ERC1: variants seen among roughly 807,000 people sequenced by gnomAD.
ERC1 encodes the protein ELKS/RAB6-interacting/CAST family member 1.
ERC1 carries 56 observed loss-of-function variants against 132.0 expected under a neutral mutation model. The ratio of observed to expected loss-of-function variants is 0.42; its 90% confidence interval spans 0.34 to 0.53. The LOEUF (loss-of-function observed/expected upper bound fraction) is 0.53, where lower values mean the gene tolerates loss of function less well. Among genes scored for constraint, ERC1 ranks in the 20% least tolerant of loss-of-function variants. ERC1 has a pLI of 0.03. For synonymous variants in ERC1, 478 were observed against 476.1 expected, an observed-to-expected ratio of 1.00 and a Z score of -0.05; for missense variants, 1,202 against 1,349.9, an observed-to-expected ratio of 0.89 and a Z score of 1.72.
Position 1,493,251 on chromosome 12 carries a change from A to C in ERC1, c.*3021A>C. 1 of 188,624 alleles carries C rather than the reference A, an allele frequency of 5.3e-6. No homozygotes were observed. The highest frequency in any genetic ancestry group is 1.1e-5 in the Non-Finnish European group (1 of 89,544). 11.7% of individuals were successfully genotyped at this position (188,624 alleles called of 1,614,324 possible). A position where few individuals can be genotyped will look rare whatever the true frequency, so the allele number is the denominator to read the frequency against. ...GAACGGGCTTTAACATGTTTAAGAA[A>C]TATGGATGGGGCCGGCCACAGTGGC... On this transcript the variant is annotated 3_prime_UTR_variant, in exon 19 of 19. Coordinates refer to ENST00000360905, the MANE Select transcript of ERC1 (RefSeq NM_178040.4).
At chr12:1,017,831 G>C (rs1186613188) in intron 1 of ERC1, among the ~76,000 whole-genome samples, 5 of 143,424 alleles carry the variant, frequency 3.5e-5, no homozygotes, top group African/African-American at 9.8e-5. Flanking sequence ...CAAAATATAG[G>C]GTACAAAATT....
Position 1,341,069 on chromosome 12 carries a change from C to CTTTTTTTTTTTTTTTTTTTTT in ERC1, c.2781-30742_2781-30722dup, listed in dbSNP as rs35902573. Among the ~76,000 whole-genome samples, 188 of 63,140 alleles carry CTTTTTTTTTTTTTTTTTTTTT rather than the reference C, an allele frequency of 3.0e-3. 46 individuals are homozygous for CTTTTTTTTTTTTTTTTTTTTT. The highest frequency in any genetic ancestry group is 0.013 in the East Asian group (18 of 1,370). The allele number at this position is 63,140 out of a possible 152,430, so 41.4% of individuals were successfully genotyped here. ...AATGTCCACTTATTCTTTTCTTTTT[C>CTTTTTTTTTTTTTTTTTTTTT]TTTTTTTTTTTTTTTTTTTTTTTTT... On this transcript the variant is annotated intron_variant, in intron 15 of 18. Coordinates refer to ENST00000360905, the MANE Select transcript of ERC1 (RefSeq NM_178040.4).
At chr12:1,110,627 C>T (rs938028855) in intron 5 of ERC1, among the ~76,000 whole-genome samples, 4 of 152,140 alleles carry the variant, frequency 2.6e-5, no homozygotes, top group African/African-American at 4.8e-5. Flanking sequence ...TTAGTACTTC[C>T]GAAAAACTTC....
chr12:1,315,473 C>A (rs1321549238), intron 15 of ERC1, among the ~76,000 whole-genome samples: 1 of 152,038 alleles, frequency 6.6e-6, no homozygotes, highest in Non-Finnish European at 1.5e-5. Flanking sequence ...GCCTCAGCCT[C>A]CCAAGTATCT....
At chr12:1,221,396 A>C (rs2154295441) in intron 12 of ERC1, among the ~76,000 whole-genome samples, 1 of 152,322 alleles carries the variant, frequency 6.6e-6, no homozygotes, top group Non-Finnish European at 1.5e-5. Flanking sequence ...ATAAGCATAG[A>C]AATAAAAGAC....
intron 2 of ERC1, among the ~76,000 whole-genome samples, chr12:1,069,247 T>C (rs1010279035): frequency 5.3e-5 from 8 of 152,192 alleles, no homozygotes; most frequent in African/African-American, 1.9e-4. Context: ...GATATCAAGG[T>C]TCCTTAGATA....
chr12:1,113,604 C>G (rs1258862410), intron 6 of ERC1, among the ~76,000 whole-genome samples: 1 of 152,104 alleles, frequency 6.6e-6, no homozygotes, highest in Admixed American at 6.5e-5. Context: ...TATTTATGGT[C>G]CACTTTATAG....
intron 15 of ERC1, among the ~76,000 whole-genome samples, chr12:1,353,487 TA>T (rs145035286): frequency 0.066 from 10,050 of 152,232 alleles, 598 homozygotes; most frequent in African/African-American, 0.15. Flanking sequence ...TGCAGGATAA[TA>T]AAAAATATAA....
At chr12:1,152,698 GC>G (rs1950944416) in intron 8 of ERC1, 1 of 153,340 alleles carries the variant, frequency 6.5e-6, no homozygotes, top group Non-Finnish European at 1.5e-5. Context: ...CCTGGTCAGA[GC>G]AACAGACAGA....
chr12:1,237,598 T>C (rs534718511), intron 13 of ERC1, among the ~76,000 whole-genome samples: 3 of 152,210 alleles, frequency 2.0e-5, no homozygotes, highest in Non-Finnish European at 4.4e-5. Context: ...GAGCAGGTGG[T>C]ATTGTATACA....
At chr12:1,048,943 ACT>A (rs1484149753) in intron 2 of ERC1, among the ~76,000 whole-genome samples, 1 of 152,164 alleles carries the variant, frequency 6.6e-6, no homozygotes, top group African/African-American at 2.4e-5. Context: ...GTCTATTTTA[ACT>A]CTCTTGCTTC....
intron 12 of ERC1, among the ~76,000 whole-genome samples, chr12:1,209,165 C>T (rs541434817): frequency 2.5e-4 from 38 of 151,992 alleles, no homozygotes; most frequent in Middle Eastern, 3.4e-3. Flanking sequence ...GACAGGGTTT[C>T]GCCACGTTGC....
Position 1,444,741 on chromosome 12 carries a change from C to G in ERC1, c.3204C>G (p.Thr1068=). ...AAWENELQKM[T]RGQLQDELEK... ...GGGAGAATGAGCTGCAGAAGATGAC[C>G]CGGGGGCAGGTGAGCCTCTCACTCA... Residue 1068 remains threonine (T), a synonymous_variant, in exon 18 of 19, where the codon ACC becomes ACG. Coordinates refer to ENST00000360905, the MANE Select transcript of ERC1 (RefSeq NM_178040.4). The G allele has an allele frequency of 6.2e-7, 1 of 1,613,362 alleles. No homozygotes were observed. The highest frequency in any genetic ancestry group is 8.5e-7 in the Non-Finnish European group (1 of 1,179,804).
intron 15 of ERC1, among the ~76,000 whole-genome samples, chr12:1,359,526 CAA>C (rs1800397195): frequency 6.6e-6 from 1 of 152,090 alleles, no homozygotes; most frequent in Admixed American, 6.5e-5. Flanking sequence ...GGTGGAAGGG[CAA>C]AGAGGGTAAG....
chr12:1,310,615 G>C (rs2081241797), intron 15 of ERC1, among the ~76,000 whole-genome samples: 1 of 152,204 alleles, frequency 6.6e-6, no homozygotes. Context: ...GTAGTTCTGT[G>C]CTCTAAAGGG....
At chr12:1,066,163 TTA>T (rs1377195103) in intron 2 of ERC1, among the ~76,000 whole-genome samples, 2 of 152,238 alleles carry the variant, frequency 1.3e-5, no homozygotes, top group Admixed American at 6.5e-5. Context: ...TAATTTTATG[TTA>T]TATGAACTAC....
At chr12:1,171,418 G>A (rs112697717) in intron 8 of ERC1, among the ~76,000 whole-genome samples, 12 of 134,882 alleles carry the variant, frequency 8.9e-5, no homozygotes, top group African/African-American at 3.4e-4. Flanking sequence ...CATTTTGTCC[G>A]AGTGTCTGAT....
chr12:1,101,097 C>G (rs1565966040), intron 3 of ERC1, among the ~76,000 whole-genome samples: 1 of 152,046 alleles, frequency 6.6e-6, no homozygotes. Context: ...ATGTGGAGGT[C>G]GTCAGTGACC....
intron 18 of ERC1, among the ~76,000 whole-genome samples, chr12:1,485,201 C>CTTTTCTTTTTTTT (rs2094187033): frequency 1.0e-5 from 1 of 96,378 alleles, no homozygotes; most frequent in African/African-American, 4.4e-5. Flanking sequence ...GTTTATATTT[C>CTTTTCTTTTTTTT]TTTTTTTTTT....
Sources: allele counts gnomAD v4.1 joint callset (sites outside exome capture counted in the v4.1 genomes callset), GRCh38; gene constraint gnomAD v4.1.1; transcripts MANE v1.5; gene names NCBI Gene and HGNC (gene_info 2026-07-23, HGNC 2026-07-21).